MFSD6: variants seen among roughly 807,000 people sequenced by gnomAD.
MFSD6 encodes major facilitator superfamily domain-containing protein 6.
A neutral mutation model predicts 56.3 loss-of-function variants in MFSD6; 26 were observed. The ratio of observed to expected loss-of-function variants is 0.46; its 90% CI spans 0.34 to 0.64. MFSD6 has a LOEUF of 0.64. Among genes scored for constraint, MFSD6 ranks in the 30% least tolerant of loss-of-function variants. MFSD6 has a pLI of 0.01. For missense variants in MFSD6, 750 were observed against 986.2 expected, an observed-to-expected ratio of 0.76 and a Z score of 3.21; for synonymous variants, 331 against 366.9, an observed-to-expected ratio of 0.90 and a Z score of 1.12.
intron 3 of MFSD6, among the ~76,000 whole-genome samples, chr2:190,448,836 C>A (rs1234242275): frequency 6.6e-6 from 1 of 152,152 alleles, no homozygotes; most frequent in Non-Finnish European, 1.5e-5. Context: ...TGGTGCTAGA[C>A]AGTCTCTACC....
chr2:190,449,927 A>G (rs1316657427), intron 3 of MFSD6, among the ~76,000 whole-genome samples: 10 of 152,234 alleles, frequency 6.6e-5, no homozygotes, highest in Admixed American at 2.6e-4. Flanking sequence ...TGACGAGTTA[A>G]TGGGTGCAGC....
In MFSD6 at chr2:190,458,661, T is replaced by G. The variant is rs572108171; in HGVS notation, c.1533-11097T>G. Among the ~76,000 whole-genome samples, 1 of 152,188 alleles carries G rather than the reference T, an allele frequency of 6.6e-6. No homozygotes were observed. The highest frequency in any genetic ancestry group is 2.4e-5 in the African/African-American group (1 of 41,434). ...TGACCGTTTCTAGAGATATGGAACTTGCTGTCTCCAAAGGCAGTGGAGGTC... is the reference window on the plus strand; with the variant it reads ...TGACCGTTTCTAGAGATATGGAACTGGCTGTCTCCAAAGGCAGTGGAGGTC... On this transcript the variant is annotated intron_variant, in intron 3 of 7. Coordinates refer to ENST00000392328, the MANE Select transcript of MFSD6 (RefSeq NM_017694.4). The surrounding 1 kb of genome is among the most constrained non-coding windows in gnomAD (Gnocchi z 5.3).
chr2:190,440,370 A>T (rs1192912609), intron 3 of MFSD6, among the ~76,000 whole-genome samples: 1 of 152,214 alleles, frequency 6.6e-6, no homozygotes, highest in Non-Finnish European at 1.5e-5. Flanking sequence ...CCTTCTCTGG[A>T]AGGTGACTTT....
At position 190,457,321 on chromosome 2, in the gene MFSD6, A is replaced by T. The variant is rs533483189; in HGVS notation, c.1533-12437A>T. ...CGAGCTGGATGCTATGGCTCCTTTC[A>T]GTTCTGACTCTAATGATCTAACTTT... On this transcript the variant is annotated intron_variant, in intron 3 of 7. Coordinates refer to ENST00000392328, the MANE Select transcript of MFSD6 (RefSeq NM_017694.4). The surrounding 1 kb of genome is among the most constrained non-coding windows in gnomAD (Gnocchi z 5.1). 6.6e-6 allele frequency among the ~76,000 whole-genome samples: 1 copy of T among 152,072 alleles called. No individual in the cohort carries two copies. The highest frequency in any genetic ancestry group is 2.1e-4 in the South Asian group (1 of 4,824).
In MFSD6 at chr2:190,471,392, T is replaced by C. The variant is rs1443659606; in HGVS notation, c.1630+1537T>C. ...CTGGAAAATTGGGTCACTCCCACCC[T>C]AATACTGTGCTTTTCCAACAGTCTT... On this transcript the variant is annotated intron_variant, in intron 4 of 7. Coordinates refer to ENST00000392328, the MANE Select transcript of MFSD6 (RefSeq NM_017694.4). The surrounding 1 kb of genome is among the most constrained non-coding windows in gnomAD (Gnocchi z 4.7). Among the ~76,000 whole-genome samples, 1 of 152,306 alleles carries C rather than the reference T, an allele frequency of 6.6e-6. No individual in the cohort carries two copies. Among genetic ancestry groups the C allele is most frequent in the Admixed American group, 6.5e-5 (1 of 15,306 alleles).
rs4853711 is a variant in MFSD6, at chr2:190,465,632, G to T, written c.1533-4126G>T. Among the ~76,000 whole-genome samples the T allele has an allele frequency of 0.45, 68,436 of 152,014 alleles. 16,013 individuals carry two copies. Among genetic ancestry groups the T allele is most frequent in the East Asian group, 0.61 (3,173 of 5,172 alleles). On this transcript the variant is annotated intron_variant, in intron 3 of 7. Transcript: ENST00000392328. This position sits in a 1 kb window ranked among gnomAD's most constrained non-coding sequence, Gnocchi z 4.6. ...CCTTTATATTAGCAAATCCCTAACT[G>T]TATTAGAGTGAATGTGTTCATTTGC...
chr2:190,430,278 T>C (rs12996454), intron 2 of MFSD6, among the ~76,000 whole-genome samples: 64,592 of 145,632 alleles, frequency 0.44, 14,740 homozygotes, highest in Admixed American at 0.6. Context: ...GGTCATAGGA[T>C]AGTAGTGGAG....
rs1686210479 is a variant in MFSD6, at chr2:190,437,267, G to A, written c.1238G>A (p.Arg413Lys). 2 of 1,614,116 alleles carry A rather than the reference G, an allele frequency of 1.2e-6. No individual in the cohort carries two copies. The highest frequency in any genetic ancestry group is 1.7e-6 in the Non-Finnish European group (2 of 1,180,044). ...GAGGTGGAGATCCCGCAGGTGGAAA[G>A]GAACAACTCTACAGAGTCCTCTGAG... The part of the protein sequence containing the change: ...GKEVEIPQVE[R>K]NNSTESSEET... The change falls in exon 3 of 8, where the codon AGG becomes AAG. Residue 413 changes from arginine to lysine, a missense_variant. Arg to Lys is a conservative substitution (Grantham distance 26). This residue lies in a region of MFSD6 where 376 missense variants were observed against 437.9 expected (regional missense o/e 0.86). Transcript: ENST00000392328. The surrounding 1 kb of genome is among the most constrained non-coding windows in gnomAD (Gnocchi z 5.9).
rs926617006 is a variant in MFSD6, at chr2:190,501,569, G to C, written c.*1351G>C. The C allele has an allele frequency of 6.6e-6, 1 of 152,192 alleles. No individual in the cohort carries two copies. The highest frequency in any genetic ancestry group is 6.6e-5 in the Admixed American group (1 of 15,266). The allele number at this position is 152,192 out of a possible 1,614,324, so 9.4% of individuals were successfully genotyped here. On this transcript the variant is annotated 3_prime_UTR_variant, in exon 8 of 8. Transcript: ENST00000392328. ...AATAGCTGTGGATGAGCACAGGAGA[G>C]AGAGGAAAGAAAAGAACAGTCGAAA...
At chr2:190,440,005 A>G (rs1686313420) in intron 3 of MFSD6, among the ~76,000 whole-genome samples, 1 of 152,220 alleles carries the variant, frequency 6.6e-6, no homozygotes, top group Non-Finnish European at 1.5e-5. Context: ...GTGAAGAGAA[A>G]TGATCTCTGA....
intron 4 of MFSD6, among the ~76,000 whole-genome samples, chr2:190,476,881 A>C (rs1272077070): frequency 1.3e-5 from 2 of 152,188 alleles, no homozygotes; most frequent in African/African-American, 2.4e-5. Context: ...GCCATAAAAA[A>C]TGATGAGTTC....
chr2:190,482,866 ATCTTTTTTTTTTT>A (rs1559137535), intron 4 of MFSD6, among the ~76,000 whole-genome samples: 2 of 43,584 alleles, frequency 4.6e-5, no homozygotes, highest in African/African-American at 7.0e-5. Context: ...TAAGACTATC[ATCTTTTTTTTTTT>A]TTTTTTTTTT....
Position 190,488,655 on chromosome 2 carries a change from A to G in MFSD6, c.1631-2A>G. 6.5e-7 allele frequency: 1 copy of G among 1,534,238 alleles called. No homozygotes were observed. The highest frequency in any genetic ancestry group is 8.8e-7 in the Non-Finnish European group (1 of 1,140,088). On this transcript the variant is annotated splice_acceptor_variant, in intron 4 of 7. Coordinates refer to ENST00000392328, the MANE Select transcript of MFSD6 (RefSeq NM_017694.4). LOFTEE classifies it high-confidence loss of function. The surrounding 1 kb of genome is among the most constrained non-coding windows in gnomAD (Gnocchi z 6.4). ...ATCCCTCCTGCTCTTCTTCCTCTCC[A>G]GGAGTGACACACGCGGCCATCTGGG...
rs564221176 is a variant in MFSD6 at position 190,432,000 on chromosome 2, G to A, written c.-53-3977G>A. 6.0e-4 allele frequency among the ~76,000 whole-genome samples: 90 copies of A among 148,876 alleles called. No individual in the cohort carries two copies. The highest frequency in any genetic ancestry group is 4.1e-4 in the Non-Finnish European group (28 of 67,964). On this transcript the variant is annotated intron_variant, in intron 2 of 7. Coordinates refer to ENST00000392328, the MANE Select transcript of MFSD6 (RefSeq NM_017694.4). This position sits in a 1 kb window ranked among gnomAD's most constrained non-coding sequence, Gnocchi z 4.4. The stretch of plus-strand genomic sequence containing the variant: ...GTATTTTCCTTTTTACTTGGCTTCT[G>A]ATTTCTCTGGACTGATAGTGTTTCC...
chr2:190,496,146 A>G lies in MFSD6; in HGVS notation c.1892-1293A>G, dbSNP rs767385090. ...ACGAACTCAAACAAATTAGCAAGAAAAAAAAAAACACCAAAGAGTGGACTA... is the reference window on the plus strand; with the variant it reads ...ACGAACTCAAACAAATTAGCAAGAAGAAAAAAAACACCAAAGAGTGGACTA... On this transcript the variant is annotated intron_variant, in intron 6 of 7. Transcript: ENST00000392328. This position sits in a 1 kb window ranked among gnomAD's most constrained non-coding sequence, Gnocchi z 4.7. Among the ~76,000 whole-genome samples the G allele has an allele frequency of 2.2e-4, 34 of 152,104 alleles. No homozygotes were observed. Among genetic ancestry groups the G allele is most frequent in the Admixed American group, 6.6e-4 (10 of 15,260 alleles).
rs2125010651 is a variant in MFSD6, at chr2:190,424,445, C to G, written c.-54+9032C>G. ...CCGCCTCCCAGGTTCAAGTGATTCT[C>G]CTGCCTCAGCCTCCCGAGTAGCTGG... On this transcript the variant is annotated intron_variant, in intron 2 of 7. Coordinates refer to ENST00000392328, the MANE Select transcript of MFSD6 (RefSeq NM_017694.4). This position sits in a 1 kb window ranked among gnomAD's most constrained non-coding sequence, Gnocchi z 5.9. Among the ~76,000 whole-genome samples, 1 of 152,158 alleles carries G rather than the reference C, an allele frequency of 6.6e-6. No individual in the cohort carries two copies. Among genetic ancestry groups the G allele is most frequent in the East Asian group, 1.9e-4 (1 of 5,178 alleles).
In MFSD6 at chr2:190,413,532, A is replaced by C. The variant is rs1690653495; in HGVS notation, c.-175-1760A>C. On this transcript the variant is annotated intron_variant, in intron 1 of 7. Coordinates refer to ENST00000392328, the MANE Select transcript of MFSD6 (RefSeq NM_017694.4). The surrounding 1 kb of genome is among the most constrained non-coding windows in gnomAD (Gnocchi z 4.1). ...GGAAGCATTTTGATCTGAGACCAAG[A>C]GTGGGATGGGGGAAAGACAGGGAAA... Among the ~76,000 whole-genome samples, 2 of 152,012 alleles carry C rather than the reference A, an allele frequency of 1.3e-5. No individual in the cohort carries two copies.
chr2:190,420,217 G>A (rs1350212967), intron 2 of MFSD6, among the ~76,000 whole-genome samples: 1 of 149,894 alleles, frequency 6.7e-6, no homozygotes, highest in Non-Finnish European at 1.5e-5. Context: ...ACCATATATA[G>A]ACAGGGTTGC....
intron 4 of MFSD6, chr2:190,477,255 T>G: frequency 1.0e-6 from 1 of 983,714 alleles, no homozygotes; most frequent in Non-Finnish European, 1.2e-6. Context: ...AATGATTCAA[T>G]AACAAGGTAA....
Sources: allele counts gnomAD v4.1 joint callset (sites outside exome capture counted in the v4.1 genomes callset), GRCh38; gene constraint gnomAD v4.1.1; regional missense constraint gnomAD v4.1.1; non-coding constraint Gnocchi (gnomAD v3.1); transcripts MANE v1.5; gene names NCBI Gene and HGNC (gene_info 2026-07-23, HGNC 2026-07-21).